Variants in DPF3 observed in about 807,000 individuals in gnomAD.
DPF3 encodes the protein double PHD fingers 3.
A neutral mutation model predicts 56.8 loss-of-function variants in DPF3; 18 were observed. That is an observed-to-expected ratio of 0.32 (90% confidence interval 0.22 to 0.47). The LOEUF is 0.47. DPF3 is among the 20% of genes least tolerant of loss of function. The pLI is 1.00. For synonymous variants in DPF3, 188 were observed against 180.2 expected, an observed-to-expected ratio of 1.04 and a Z score of -0.35; for missense variants, 403 against 488.8, an observed-to-expected ratio of 0.82 and a Z score of 1.65.
intron 1 of DPF3, among the ~76,000 whole-genome samples, chr14:72,883,756 G>A (rs1011292586): frequency 2.6e-5 from 4 of 151,876 alleles, no homozygotes; most frequent in African/African-American, 4.8e-5. Flanking sequence ...GATAAAACCC[G>A]ATCTCTACTG....
chr14:72,688,288 T>G (rs1156522206), intron 7 of DPF3, among the ~76,000 whole-genome samples: 3 of 15,366 alleles, frequency 2.0e-4, no homozygotes, highest in African/African-American at 6.0e-4. Context: ...GGTGGGTGGG[T>G]GGATGGATGG....
rs554531749 is a variant in DPF3 at position 72,714,391 on chromosome 14, GAGGA to G, written c.604+28_604+31del. 5,059 of 1,611,966 alleles carry G rather than the reference GAGGA, an allele frequency of 3.1e-3. 15 individuals carry two copies. Among genetic ancestry groups the G allele is most frequent in the Non-Finnish European group, 3.9e-3 (4,547 of 1,178,536 alleles). ...GGGGCCCTGGGGGCAGGCGCACAGG[GAGGA>G]AGGAAGGTGGGACCGGCCCATACTT... is the stretch of plus-strand genomic sequence containing the variant. On this transcript the variant is annotated intron_variant, in intron 6 of 10. Transcript: ENST00000556509.
At chr14:72,843,030 T>A (rs1860750) in intron 1 of DPF3, among the ~76,000 whole-genome samples, 72,176 of 151,412 alleles carry the variant, frequency 0.48, 18,080 homozygotes, top group East Asian at 0.86. Flanking sequence ...CTCAAAAAAA[T>A]AAATAAATAA....
At chr14:72,865,286 G>T (rs1197246921) in intron 1 of DPF3, among the ~76,000 whole-genome samples, 2 of 152,210 alleles carry the variant, frequency 1.3e-5, no homozygotes, top group African/African-American at 4.8e-5. Flanking sequence ...GAGAGGAAAG[G>T]CAGACAAAGG....
At chr14:72,731,995 A>G (rs1599392416) in intron 3 of DPF3, 61 bp from the exon 4 acceptor site, 1 of 1,543,762 alleles carries the variant, frequency 6.5e-7, no homozygotes, top group East Asian at 2.4e-5. Context: ...CAGGAGGGAC[A>G]GTCCTGGAGG....
intron 7 of DPF3, among the ~76,000 whole-genome samples, chr14:72,689,957 C>G (rs1002953367): frequency 6.6e-6 from 1 of 152,168 alleles, no homozygotes; most frequent in Non-Finnish European, 1.5e-5. Flanking sequence ...GAACCTTCTT[C>G]GTGTGGGGAG....
intron 1 of DPF3, among the ~76,000 whole-genome samples, chr14:72,875,134 C>T (rs1324340755): frequency 6.6e-6 from 1 of 152,206 alleles, no homozygotes; most frequent in East Asian, 1.9e-4. Context: ...AAAGACTGGC[C>T]TCCATGATTC....
chr14:72,706,467 C>G (rs1888407326), intron 6 of DPF3, among the ~76,000 whole-genome samples: 1 of 152,228 alleles, frequency 6.6e-6, no homozygotes, highest in Non-Finnish European at 1.5e-5. Context: ...AAACCTTTGT[C>G]AAGCACATGC....
At chr14:72,759,535 G>C (rs1201460375) in intron 2 of DPF3, among the ~76,000 whole-genome samples, 1 of 150,690 alleles carries the variant, frequency 6.6e-6, no homozygotes, top group African/African-American at 2.4e-5. Context: ...AGAGATGAAA[G>C]AGAGACAGAG....
intron 1 of DPF3, among the ~76,000 whole-genome samples, chr14:72,845,651 C>T (rs1380438817): frequency 6.6e-6 from 1 of 152,140 alleles, no homozygotes; most frequent in Non-Finnish European, 1.5e-5. Flanking sequence ...AATTCCAAGA[C>T]CTGGAGGATA....
intron 1 of DPF3, among the ~76,000 whole-genome samples, chr14:72,772,557 T>C (rs531715537): frequency 2.0e-5 from 3 of 152,318 alleles, no homozygotes; most frequent in African/African-American, 7.2e-5. Flanking sequence ...AAATTCAAAA[T>C]AATTCAACTC....
chr14:72,824,198 T>C (rs1883681740), intron 1 of DPF3, among the ~76,000 whole-genome samples: 1 of 152,122 alleles, frequency 6.6e-6, no homozygotes, highest in African/African-American at 2.4e-5. Flanking sequence ...AGGAAAGGAA[T>C]GTCTGCCCCA....
chr14:72,663,427 G>T (rs1367203408), intron 8 of DPF3, among the ~76,000 whole-genome samples: 1 of 152,066 alleles, frequency 6.6e-6, no homozygotes, highest in Admixed American at 6.5e-5. Context: ...TGATTCAAGT[G>T]TGTCAGAGTT....
At chr14:72,823,384 T>G (rs530655282) in intron 1 of DPF3, among the ~76,000 whole-genome samples, 1 of 152,206 alleles carries the variant, frequency 6.6e-6, no homozygotes, top group African/African-American at 2.4e-5. Flanking sequence ...GAAGGAGACC[T>G]TCACTGCAGC....
intron 2 of DPF3, among the ~76,000 whole-genome samples, 183 bp from the exon 3 acceptor site, chr14:72,753,554 A>AC (rs1404019201): frequency 1.3e-5 from 2 of 152,056 alleles, no homozygotes; most frequent in African/African-American, 2.4e-5. Flanking sequence ...TGACCCCAGG[A>AC]CCCTGGCTCT....
intron 8 of DPF3, chr14:72,661,715 G>C (rs929244532): frequency 7.1e-6 from 7 of 985,296 alleles, no homozygotes; most frequent in Middle Eastern, 5.2e-4. Context: ...CCTTCAGGTC[G>C]GCCTTCCTAG....
chr14:72,779,267 A>G (rs1005862703), intron 1 of DPF3, among the ~76,000 whole-genome samples: 3 of 152,220 alleles, frequency 2.0e-5, no homozygotes, highest in African/African-American at 7.2e-5. Flanking sequence ...GCAGCTTCAG[A>G]AAAACATTGA....
intron 1 of DPF3, among the ~76,000 whole-genome samples, chr14:72,848,953 A>G (rs1333765555): frequency 1.3e-5 from 2 of 152,198 alleles, no homozygotes; most frequent in African/African-American, 4.8e-5. Context: ...AGCGCTTCAC[A>G]TACATTATGG....
At chr14:72,659,318 T>C (rs1886139687) in intron 8 of DPF3, among the ~76,000 whole-genome samples, 1 of 151,322 alleles carries the variant, frequency 6.6e-6, no homozygotes, top group Admixed American at 6.5e-5. Context: ...ATGATTTCTT[T>C]CTCTCTTTTT....
Sources: allele counts gnomAD v4.1 joint callset (sites outside exome capture counted in the v4.1 genomes callset), GRCh38; gene constraint gnomAD v4.1.1; transcripts MANE v1.5; gene names NCBI Gene and HGNC (gene_info 2026-07-23, HGNC 2026-07-21).